The following IGSF5 variants were observed in gnomAD, a reference collection of about 807,000 sequenced individuals.
The protein encoded by IGSF5 is immunoglobulin superfamily 5 like.
IGSF5 carries 41 observed loss-of-function variants against 39.4 expected under a neutral mutation model. The ratio of observed to expected loss-of-function variants is 1.04; its 90% CI spans 0.81 to 1.35. The LOEUF is 1.35. Among genes scored for constraint, IGSF5 ranks in the 40% most tolerant of loss-of-function variants. The pLI, the probability that IGSF5 is intolerant of heterozygous loss-of-function variation, is 0.00. For missense variants in IGSF5, 487 were observed against 494.6 expected (o/e 0.98, Z 0.15); for synonymous variants, 183 against 175.3 (o/e 1.04, Z -0.34).
chr21:39,759,095 ATCTAC>A (rs143290984), intron 2 of IGSF5, among the ~76,000 whole-genome samples: 123,876 of 151,804 alleles, frequency 0.82, 50,718 homozygotes, highest in Admixed American at 0.86. Flanking sequence ...TTACAAACAT[ATCTAC>A]TCTATTTTAG....
chr21:39,718,303 G>A, the IGSF5 span, among the ~76,000 whole-genome samples: 2 of 152,166 alleles, frequency 1.3e-5, no homozygotes, highest in South Asian at 2.1e-4. Flanking sequence ...AAAGAGATAA[G>A]TTTGACTTCC....
intron 2 of IGSF5, among the ~76,000 whole-genome samples, chr21:39,753,664 AG>A (rs2080016391): frequency 6.6e-6 from 1 of 152,010 alleles, no homozygotes; most frequent in Non-Finnish European, 1.5e-5. Flanking sequence ...CTCCATTGTT[AG>A]GTGCATATAA....
intron 4 of IGSF5, among the ~76,000 whole-genome samples, chr21:39,775,293 C>T (rs976353873): frequency 1.3e-5 from 2 of 152,194 alleles, no homozygotes; most frequent in African/African-American, 2.4e-5. Context: ...CCTCTCTGAG[C>T]CTCAGTTTTA....
upstream of IGSF5, among the ~76,000 whole-genome samples, chr21:39,745,051 G>T (rs1395171853): frequency 8.0e-6 from 1 of 125,288 alleles, no homozygotes; most frequent in African/African-American, 3.1e-5. Context: ...AAGGAATAGG[G>T]CACACTTTTT....
At chr21:39,750,415 G>A (rs923124459) in intron 2 of IGSF5, among the ~76,000 whole-genome samples, 1 of 151,580 alleles carries the variant, frequency 6.6e-6, no homozygotes, top group African/African-American at 2.4e-5. Context: ...GGCTGAGGCT[G>A]GAGGACTGCT....
chr21:39,749,975 T>C (rs2079996782), intron 2 of IGSF5, among the ~76,000 whole-genome samples: 1 of 152,192 alleles, frequency 6.6e-6, no homozygotes, highest in Admixed American at 6.5e-5. Flanking sequence ...CAGGGTGAAA[T>C]TCAACGGAAC....
intron 2 of IGSF5, among the ~76,000 whole-genome samples, chr21:39,748,945 A>G (rs938776668): frequency 6.6e-6 from 1 of 152,204 alleles, no homozygotes; most frequent in Non-Finnish European, 1.5e-5. Context: ...GTGTCTGGTT[A>G]TTGTATAACA....
chr21:39,719,604 A>G, the IGSF5 span, among the ~76,000 whole-genome samples: 19 of 152,178 alleles, frequency 1.2e-4, no homozygotes, highest in African/African-American at 4.6e-4. Context: ...ATATGAGGAG[A>G]GACAGAAGAA....
At chr21:39,720,156 C>G in the IGSF5 span, among the ~76,000 whole-genome samples, 1 of 152,146 alleles carries the variant, frequency 6.6e-6, no homozygotes, top group Non-Finnish European at 1.5e-5. Context: ...TGTTCCACCT[C>G]AGATCATCAG....
At chr21:39,752,079 T>C (rs371092642) in intron 2 of IGSF5, among the ~76,000 whole-genome samples, 2 of 152,182 alleles carry the variant, frequency 1.3e-5, no homozygotes, top group Admixed American at 6.5e-5. Context: ...CATGAATAAG[T>C]TCTTAAATGG....
chr21:39,749,279 C>T (rs1201101365), intron 2 of IGSF5, among the ~76,000 whole-genome samples: 1 of 150,738 alleles, frequency 6.6e-6, no homozygotes, highest in Non-Finnish European at 1.5e-5. Flanking sequence ...GTGGCACGAT[C>T]TCCACTCACT....
chr21:39,736,346 T>C, the IGSF5 span, among the ~76,000 whole-genome samples: 1 of 152,228 alleles, frequency 6.6e-6, no homozygotes, highest in East Asian at 1.9e-4. Flanking sequence ...CTAAACTTTG[T>C]GATTTTAAAA....
intron 8 of IGSF5, among the ~76,000 whole-genome samples, chr21:39,797,286 T>C (rs1047188166): frequency 6.7e-6 from 1 of 150,346 alleles, no homozygotes; most frequent in East Asian, 2.0e-4. Flanking sequence ...TGGTGTGATC[T>C]TGGCTCACCG....
chr21:39,785,816 G>A (rs2080197796), intron 5 of IGSF5, among the ~76,000 whole-genome samples: 1 of 152,038 alleles, frequency 6.6e-6, no homozygotes, highest in Non-Finnish European at 1.5e-5. Context: ...TCTCTTTGAA[G>A]CAATTGTGAA....
chr21:39,789,570 T>C (rs1002003429), intron 6 of IGSF5, among the ~76,000 whole-genome samples: 39 of 152,176 alleles, frequency 2.6e-4, no homozygotes, highest in Admixed American at 2.6e-3. Flanking sequence ...TCCAGCTGCT[T>C]GAGGACTTCT....
At chr21:39,716,393 C>T in the IGSF5 span, among the ~76,000 whole-genome samples, 2 of 151,850 alleles carry the variant, frequency 1.3e-5, no homozygotes, top group Admixed American at 6.6e-5. Flanking sequence ...AGGTTTTTTA[C>T]GTAGATAAAC....
At chr21:39,713,285 G>A in the IGSF5 span, among the ~76,000 whole-genome samples, 1 of 152,172 alleles carries the variant, frequency 6.6e-6, no homozygotes, top group Non-Finnish European at 1.5e-5. Flanking sequence ...CCCTACTGGT[G>A]CTCCATCATG....
upstream of IGSF5, among the ~76,000 whole-genome samples, chr21:39,741,225 C>T (rs896940740): frequency 1.3e-5 from 2 of 152,142 alleles, no homozygotes; most frequent in Non-Finnish European, 2.9e-5. Context: ...AGGTGTCCAT[C>T]TTACTAAATG....
intron 2 of IGSF5, among the ~76,000 whole-genome samples, chr21:39,754,083 A>AT (rs1197017357): frequency 2.0e-5 from 3 of 151,984 alleles, no homozygotes; most frequent in African/African-American, 7.3e-5. Flanking sequence ...TGTTTTATAG[A>AT]CCCTGTGAGA....
Sources: gnomAD v4.1 joint callset for allele counts (sites outside exome capture counted in the v4.1 genomes callset) on GRCh38, gnomAD v4.1.1 for gene constraint, MANE v1.5 for transcripts, NCBI Gene and HGNC (gene_info 2026-07-23, HGNC 2026-07-21) for gene names.